The following PUDP variants were observed in gnomAD, a reference collection of about 807,000 sequenced individuals.
PUDP encodes the protein pseudouridine 5'-phosphatase, also known as pseudouridine-5'-phosphatase.
PUDP carries 8 observed loss-of-function variants against 9.4 expected under a neutral mutation model. That is an observed-to-expected ratio of 0.85 (90% CI 0.50 to 1.53). The LOEUF is 1.53. PUDP is among the 40% of genes most tolerant of loss of function. PUDP has a pLI of 0.00. For synonymous variants in PUDP, 99 were observed against 80.7 expected, an observed-to-expected ratio of 1.23 and a Z score of -1.22; for missense variants, 188 against 189.7, an observed-to-expected ratio of 0.99 and a Z score of 0.05.
At chrX:6,721,911 A>G (rs1924677931), upstream of PUDP, among the ~76,000 whole-genome samples, 1 of 111,770 alleles carries the variant, frequency 8.9e-6, no homozygotes, top group Non-Finnish European at 1.9e-5. Flanking sequence ...CTCCTAGTAA[A>G]TATCAAGACA....
chrX:7,096,582 C>A (rs1322187486), intron 2 of PUDP, among the ~76,000 whole-genome samples: 1 of 111,015 alleles, frequency 9.0e-6, no homozygotes, highest in Non-Finnish European at 1.9e-5. Context: ...GTAATCCCAG[C>A]ACTTTGGGAG....
intron 1 of PUDP, among the ~76,000 whole-genome samples, chrX:7,002,072 G>GTGTTTT (rs1207225274): frequency 8.1e-5 from 9 of 111,438 alleles, no homozygotes; most frequent in African/African-American, 2.6e-4. Flanking sequence ...CCATGGCTCA[G>GTGTTTT]TCTCTAGACT....
chrX:6,921,013 G>A (rs1928013716), intron 3 of PUDP, among the ~76,000 whole-genome samples: 1 of 110,595 alleles, frequency 9.0e-6, no homozygotes, highest in South Asian at 4.0e-4. Context: ...AGTGGGGTGA[G>A]TGTCCTCCTT....
At chrX:6,748,256 C>A (rs73627089) in intron 3 of PUDP, among the ~76,000 whole-genome samples, 2,780 of 111,787 alleles carry the variant, frequency 0.025, 83 homozygotes, top group African/African-American at 0.086. Context: ...AAATACAGAG[C>A]CCTCGGGCCC....
intron 2 of PUDP, among the ~76,000 whole-genome samples, chrX:7,083,687 G>C (rs1210305528): frequency 9.0e-6 from 1 of 110,694 alleles, no homozygotes; most frequent in Non-Finnish European, 1.9e-5. Flanking sequence ...GATTACTTGA[G>C]GTCAGGAGTT....
At chrX:6,733,770 C>CTTTT (rs3046297) in intron 3 of PUDP, among the ~76,000 whole-genome samples, 11,617 of 46,268 alleles carry the variant, frequency 0.25, 2,184 homozygotes, top group Non-Finnish European at 0.31. Context: ...AAAGCAAAGC[C>CTTTT]TTTTTTTTTT....
At chrX:6,807,236 TG>T (rs1235963175) in intron 3 of PUDP, among the ~76,000 whole-genome samples, 1 of 112,212 alleles carries the variant, frequency 8.9e-6, no homozygotes, top group African/African-American at 3.2e-5. Context: ...GGTCACTCCA[TG>T]AACGTTTAAC....
At chrX:6,873,661 A>G (rs1927209041) in intron 3 of PUDP, among the ~76,000 whole-genome samples, 1 of 111,664 alleles carries the variant, frequency 9.0e-6, no homozygotes, top group African/African-American at 3.3e-5. Flanking sequence ...TATTATACTC[A>G]CCTGGTATTA....
chrX:7,095,008 C>T (rs1471345036), intron 2 of PUDP, among the ~76,000 whole-genome samples: 1 of 111,905 alleles, frequency 8.9e-6, no homozygotes, highest in Admixed American at 9.4e-5. Context: ...AGAAACGGAG[C>T]TGGACGAGGC....
intron 1 of PUDP, among the ~76,000 whole-genome samples, chrX:7,007,310 G>A (rs1445954130): frequency 1.8e-5 from 2 of 111,858 alleles, no homozygotes; most frequent in African/African-American, 6.5e-5. Flanking sequence ...CTGAAGGTCC[G>A]TTTCCTAACT....
intron 1 of PUDP, among the ~76,000 whole-genome samples, chrX:7,106,854 A>G (rs1433629456): frequency 8.9e-6 from 1 of 111,884 alleles, no homozygotes; most frequent in Non-Finnish European, 1.9e-5. Flanking sequence ...CCAAAAAAAA[A>G]GAAATACTTC....
chrX:6,720,844 T>A (rs1429291219), intron 1 of PUDP, among the ~76,000 whole-genome samples: 13 of 111,073 alleles, frequency 1.2e-4, no homozygotes. Context: ...AAAGAATTCA[T>A]ATCTCTATTC....
At chrX:6,887,629 T>C (rs1380752505) in intron 3 of PUDP, among the ~76,000 whole-genome samples, 1 of 111,288 alleles carries the variant, frequency 9.0e-6, no homozygotes, top group African/African-American at 3.3e-5. Flanking sequence ...TTAAAGGCCA[T>C]GAATAGAATA....
chrX:6,816,213 T>C (rs965127708), intron 3 of PUDP, among the ~76,000 whole-genome samples: 9 of 106,192 alleles, frequency 8.5e-5, no homozygotes, highest in African/African-American at 3.0e-4. Context: ...TACATACATA[T>C]ACATATATAC....
intron 1 of PUDP, among the ~76,000 whole-genome samples, chrX:7,115,522 A>T (rs1469521790): frequency 1.8e-5 from 2 of 112,482 alleles, no homozygotes; most frequent in African/African-American, 3.2e-5. Flanking sequence ...GCAATCCTAA[A>T]AACTGAGCTT....
chrX:7,000,581 C>T (rs866937759), intron 1 of PUDP, among the ~76,000 whole-genome samples: 1 of 108,232 alleles, frequency 9.2e-6, no homozygotes, highest in Non-Finnish European at 1.9e-5. Flanking sequence ...GAAACAAATA[C>T]ATTTATAAAA....
chrX:6,957,376 G>A (rs1376070934), intron 3 of PUDP, among the ~76,000 whole-genome samples: 1 of 77,983 alleles, frequency 1.3e-5, no homozygotes, highest in Admixed American at 1.8e-4. Flanking sequence ...TCTCAGGAGT[G>A]GGTTTCTTAT....
rs754884265 is a variant in PUDP, at chrX:6,738,039, A to C, written c.*248-31573T>G. Among the ~76,000 whole-genome samples the C allele has an allele frequency of 2.7e-5, 3 of 111,631 alleles. No homozygotes were observed. In the South Asian group the frequency reaches 1.2e-3, roughly 43 times the overall value. ...GACTTAATGAACTGGATATGAAAAA[A>C]AAGGAGTAGATGAAGATGCCATCAT... On this transcript the variant is annotated intron_variant and NMD_transcript_variant, in intron 3 of 3. Coordinates refer to the PUDP transcript ENST00000655425.
chrX:6,804,930 C>T (rs1926025281), intron 3 of PUDP, among the ~76,000 whole-genome samples: 1 of 111,215 alleles, frequency 9.0e-6, no homozygotes, highest in African/African-American at 3.3e-5. Context: ...TATAGGATAC[C>T]ATGGGGAAAA....
Sources: allele counts gnomAD v4.1 joint callset (sites outside exome capture counted in the v4.1 genomes callset), GRCh38; gene constraint gnomAD v4.1.1; transcripts MANE v1.5; gene names NCBI Gene and HGNC (gene_info 2026-07-23, HGNC 2026-07-21).